Variants in MINDY4 observed in about 807,000 individuals in gnomAD.
MINDY4 encodes MINDY lysine 48 deubiquitinase 4.
In MINDY4, 68 loss-of-function variants were observed where a neutral mutation model predicts 87.0. That is an observed-to-expected ratio of 0.78 (90% CI 0.64 to 0.96). The LOEUF (loss-of-function observed/expected upper bound fraction) is 0.96. MINDY4 is among the 40% of genes least tolerant of loss of function. The pLI is 0.00. For missense variants in MINDY4, 919 were observed against 928.2 expected, an observed-to-expected ratio of 0.99 and a Z score of 0.13; for synonymous variants, 379 against 363.2, an observed-to-expected ratio of 1.04 and a Z score of -0.50.
At chr7:30,862,504 G>T (rs1789796452) in intron 13 of MINDY4, among the ~76,000 whole-genome samples, 1 of 152,238 alleles carries the variant, frequency 6.6e-6, no homozygotes, top group South Asian at 2.1e-4. Context: ...GCTCTCTGAG[G>T]GATACCAGGC....
intron 12 of MINDY4, among the ~76,000 whole-genome samples, chr7:30,854,426 A>G (rs1438241660): frequency 6.6e-6 from 1 of 152,176 alleles, no homozygotes; most frequent in African/African-American, 2.4e-5. Context: ...GTAGACATGT[A>G]GAAATGAGAG....
chr7:30,882,918 C>A lies in MINDY4; in HGVS notation c.2153-3C>A. On this transcript the variant is annotated splice_polypyrimidine_tract_variant and splice_region_variant and intron_variant, in intron 16 of 17. Transcript: ENST00000265299. ...ATGTGTGTGCCTCTCTCCTCCTTCC[C>A]AGACACCACCCAAACCATCTCTGAG... 3 of 1,613,834 alleles carry A rather than the reference C, an allele frequency of 1.9e-6. No individual in the cohort carries two copies. The highest frequency in any genetic ancestry group is 2.5e-6 in the Non-Finnish European group (3 of 1,179,854).
chr7:30,798,961 A>G (rs1332795794), intron 5 of MINDY4, among the ~76,000 whole-genome samples: 1 of 152,114 alleles, frequency 6.6e-6, no homozygotes, highest in Non-Finnish European at 1.5e-5. Flanking sequence ...GTTTTATTGA[A>G]GCTGTTTAAG....
rs1426254369 is a variant in MINDY4, at chr7:30,882,935, A to G, written c.2167A>G (p.Ile723Val). 5 of 1,613,912 alleles carry G rather than the reference A, an allele frequency of 3.1e-6. No homozygotes were observed. The highest frequency in any genetic ancestry group is 1.1e-5 in the South Asian group (1 of 91,054). Residue 723 changes from isoleucine (I) to valine (V), a missense_variant, in exon 17 of 18, where the codon ATC becomes GTC. By Grantham distance (29) the Ile-to-Val change is conservative. Transcript: ENST00000265299. ...IRLTIDTTQT[I>V]SEDTDNDLVP... ...CTCCTTCCCAGACACCACCCAAACCATCTCTGAGGACACAGACAACGACCT... is the reference window on the plus strand; with the variant it reads ...CTCCTTCCCAGACACCACCCAAACCGTCTCTGAGGACACAGACAACGACCT...
intron 11 of MINDY4, 144 bp downstream of exon 11, chr7:30,852,423 T>C: frequency 6.8e-7 from 1 of 1,476,722 alleles, no homozygotes; most frequent in Non-Finnish European, 9.0e-7. Context: ...GGGATTAGGG[T>C]GGGGACAGAC....
rs1033586726 is a variant in MINDY4 at position 30,788,415 on chromosome 7, G to T, written c.663+2423G>T. 3.9e-5 allele frequency among the ~76,000 whole-genome samples: 6 copies of T among 152,234 alleles called. No individual in the cohort carries two copies. The South Asian group carries it at 6.2e-4, about 16-fold the overall frequency. The stretch of plus-strand genomic sequence containing the variant: ...TATATTGGCCATTTGGAAAATATTG[G>T]TTAGTGAGTTATATAGATCTTCCAA... On this transcript the variant is annotated intron_variant, in intron 4 of 17. Transcript: ENST00000265299.
At chr7:30,851,472 GATAA>G (rs1330062356) in intron 10 of MINDY4, among the ~76,000 whole-genome samples, 5 of 152,184 alleles carry the variant, frequency 3.3e-5, no homozygotes, top group African/African-American at 4.8e-5. Flanking sequence ...ATGAATAGCT[GATAA>G]ATAATAATAA....
intron 13 of MINDY4, among the ~76,000 whole-genome samples, chr7:30,867,789 C>T (rs1333291129): frequency 6.6e-6 from 1 of 152,116 alleles, no homozygotes; most frequent in Non-Finnish European, 1.5e-5. Context: ...GGCCTGGTGC[C>T]CTAGTGGTCA....
At chr7:30,781,840 A>G in intron 2 of MINDY4, 137 bp from the exon 3 acceptor site, 1 of 643,836 alleles carries the variant, frequency 1.6e-6, no homozygotes, top group Non-Finnish European at 2.7e-6. Flanking sequence ...ATATGTGGCC[A>G]GTAAATGTTG....
chr7:30,830,245 A>G (rs1788658379), intron 6 of MINDY4, among the ~76,000 whole-genome samples: 1 of 152,200 alleles, frequency 6.6e-6, no homozygotes, highest in Non-Finnish European at 1.5e-5. Context: ...CAAGGTGAAT[A>G]AAAGGTGGCC....
At chr7:30,838,472 A>G (rs1055263418) in intron 7 of MINDY4, among the ~76,000 whole-genome samples, 7 of 152,146 alleles carry the variant, frequency 4.6e-5, no homozygotes, top group African/African-American at 1.7e-4. Context: ...TTTTCTGTAA[A>G]GGGCTCAATA....
intron 9 of MINDY4, among the ~76,000 whole-genome samples, chr7:30,844,622 C>T (rs1012334357): frequency 1.3e-5 from 2 of 152,196 alleles, no homozygotes; most frequent in African/African-American, 4.8e-5. Flanking sequence ...CATGTCACTG[C>T]TTTGCCAAGG....
intron 6 of MINDY4, among the ~76,000 whole-genome samples, chr7:30,833,421 A>G (rs1322231931): frequency 1.3e-5 from 2 of 152,194 alleles, no homozygotes; most frequent in Non-Finnish European, 2.9e-5. Context: ...ACTCACTATC[A>G]CAAGACCAGC....
At chr7:30,865,873 G>C (rs1789918755) in intron 13 of MINDY4, among the ~76,000 whole-genome samples, 1 of 152,220 alleles carries the variant, frequency 6.6e-6, no homozygotes, top group African/African-American at 2.4e-5. Flanking sequence ...TGGACTGTGG[G>C]AGGGGTAACA....
chr7:30,775,400 A>G (rs1488331641), intron 1 of MINDY4, among the ~76,000 whole-genome samples: 24 of 152,242 alleles, frequency 1.6e-4, no homozygotes, highest in Admixed American at 1.6e-3. Context: ...AGGAACAGCC[A>G]GATGGAAGAG....
At chr7:30,805,802 A>T (rs1324359664) in intron 5 of MINDY4, among the ~76,000 whole-genome samples, 1 of 152,158 alleles carries the variant, frequency 6.6e-6, no homozygotes, top group Non-Finnish European at 1.5e-5. Flanking sequence ...GTACACAGGG[A>T]CAGGGTGGCA....
chr7:30,879,653 A>G (rs57662262), intron 15 of MINDY4, among the ~76,000 whole-genome samples: 18,953 of 152,066 alleles, frequency 0.12, 2,806 homozygotes, highest in African/African-American at 0.35. Flanking sequence ...TTTCCCTGTT[A>G]TCGTTTTGAC....
chr7:30,776,607 C>T (rs892486526), intron 1 of MINDY4, among the ~76,000 whole-genome samples: 6 of 152,200 alleles, frequency 3.9e-5, no homozygotes, highest in African/African-American at 1.4e-4. Context: ...ACTGGACTTA[C>T]GGACTAGTGG....
chr7:30,802,416 C>T (rs1414449252), intron 5 of MINDY4, among the ~76,000 whole-genome samples: 1 of 152,058 alleles, frequency 6.6e-6, no homozygotes, highest in Non-Finnish European at 1.5e-5. Context: ...TGGCTGCTTT[C>T]TTTTGTTCCT....
Sources: gnomAD v4.1 joint callset for allele counts (sites outside exome capture counted in the v4.1 genomes callset) on GRCh38, gnomAD v4.1.1 for gene constraint, MANE v1.5 for transcripts, NCBI Gene and HGNC (gene_info 2026-07-23, HGNC 2026-07-21) for gene names.